Variants in TAF7L observed in about 807,000 individuals in gnomAD.
TAF7L encodes transcription initiation factor TFIID subunit 7-like.
Under a neutral mutation model 30.2 loss-of-function variants are expected in TAF7L, and 6 were observed. The ratio of observed to expected loss-of-function variants is 0.20; its 90% CI spans 0.11 to 0.39. The LOEUF (loss-of-function observed/expected upper bound fraction) is 0.39. TAF7L is among the 10% of genes least tolerant of loss of function. The pLI is 1.00. For synonymous variants in TAF7L, 93 were observed against 94.5 expected (o/e 0.98, Z 0.09); for missense variants, 284 against 277.1 (o/e 1.03, Z -0.18).
intron 9 of TAF7L, among the ~76,000 whole-genome samples, chrX:101,276,856 G>A (rs1436950610): frequency 9.1e-6 from 1 of 110,280 alleles, no homozygotes; most frequent in Non-Finnish European, 1.9e-5. Context: ...AGGGCTGGGT[G>A]TGGTGGCTCA....
At chrX:101,287,728 G>C (rs1246252900) in intron 1 of TAF7L, 183 bp from the exon 2 acceptor site, 1 of 360,118 alleles carries the variant, frequency 2.8e-6, no homozygotes, top group South Asian at 8.8e-5. Flanking sequence ...ATTTCTAGAC[G>C]TTACCTTAGC....
chrX:101,273,818 C>T (rs924515322), intron 12 of TAF7L, among the ~76,000 whole-genome samples: 1 of 111,310 alleles, frequency 9.0e-6, no homozygotes, highest in African/African-American at 3.3e-5. Flanking sequence ...ACCTTGCATA[C>T]GCTCCACCTA....
chrX:101,284,935 C>T (rs1487228613), intron 3 of TAF7L, among the ~76,000 whole-genome samples: 1 of 111,060 alleles, frequency 9.0e-6, no homozygotes, highest in African/African-American at 3.3e-5. Flanking sequence ...TAGATTCATC[C>T]ATGGTGTCCC....
At chrX:101,275,324 GAA>G (rs199961591) in intron 11 of TAF7L, 43 bp from the exon 12 acceptor site, 1,140 of 673,712 alleles carry the variant, frequency 1.7e-3, no homozygotes, top group African/African-American at 2.1e-3. Flanking sequence ...GAGTCTCAAA[GAA>G]AAAAAAAAAA....
In TAF7L at chrX:101,268,969, GA is replaced by G. The variant is rs1923880350; in HGVS notation, c.*223del. The stretch of plus-strand genomic sequence containing the variant: ...ATAATAATTCCCAAATTGACAAAGA[GA>G]AAGTCTCATGGTCGAGTGGGGTCTT... On this transcript the variant is annotated 3_prime_UTR_variant, in exon 13 of 13. Coordinates refer to ENST00000356784, the MANE Select transcript of TAF7L (RefSeq NM_001168474.2). 3.3e-6 allele frequency: 1 copy of G among 304,980 alleles called. No homozygotes were observed. Among genetic ancestry groups the G allele is most frequent in the Non-Finnish European group, 5.8e-6 (1 of 172,089 alleles). 25.1% of individuals were successfully genotyped at this position (304,980 alleles called of 1,213,427 possible). A position where few individuals can be genotyped will look rare whatever the true frequency, so the allele number is the denominator to read the frequency against.
At chrX:101,278,905 C>A in intron 7 of TAF7L, 89 bp downstream of exon 7, 1 of 858,452 alleles carries the variant, frequency 1.2e-6, no homozygotes, top group Non-Finnish European at 1.7e-6. Context: ...AAAGTAGCTT[C>A]TGTGGTTTAT....
intron 9 of TAF7L, 51 bp from the exon 10 acceptor site, chrX:101,276,579 A>T: frequency 1.8e-6 from 2 of 1,142,395 alleles, no homozygotes; most frequent in Non-Finnish European, 2.4e-6. Flanking sequence ...TCTGCAAATG[A>T]CTCATACTCC....
chrX:101,277,470 A>AAAAAAAAAAAT, intron 9 of TAF7L, 136 bp downstream of exon 9: 1 of 352,090 alleles, frequency 2.8e-6, no homozygotes, highest in East Asian at 4.9e-5. Context: ...AAAAAAAAAA[A>AAAAAAAAAAAT]GAGGGAAGGA....
At chrX:101,271,937 GTAC>G (rs972451204) in intron 12 of TAF7L, among the ~76,000 whole-genome samples, 1 of 111,561 alleles carries the variant, frequency 9.0e-6, no homozygotes, top group African/African-American at 3.3e-5. Context: ...GTATTAAGCA[GTAC>G]TTGGATAAGT....
chrX:101,291,780 C>T (rs1459231531), upstream of TAF7L, among the ~76,000 whole-genome samples: 10 of 104,702 alleles, frequency 9.6e-5, no homozygotes, highest in Non-Finnish European at 1.8e-4. Flanking sequence ...GCAGGAGAAT[C>T]GCTTGAACCC....
chrX:101,289,588 T>C (rs1033514905), intron 1 of TAF7L, among the ~76,000 whole-genome samples: 4 of 111,032 alleles, frequency 3.6e-5, no homozygotes, highest in Non-Finnish European at 5.7e-5. Flanking sequence ...TTTTGTTTTG[T>C]TTTGTTTTGA....
chrX:101,288,164 C>CA (rs1423454301), intron 1 of TAF7L, among the ~76,000 whole-genome samples: 1 of 105,005 alleles, frequency 9.5e-6, no homozygotes, highest in East Asian at 3.0e-4. Flanking sequence ...TTTTTCAAGA[C>CA]AGAGTCTCGC....
At chrX:101,290,786 C>A (rs974600098) in intron 1 of TAF7L, among the ~76,000 whole-genome samples, 4 of 111,781 alleles carry the variant, frequency 3.6e-5, no homozygotes, top group Non-Finnish European at 7.5e-5. Context: ...TTTTTTCCAG[C>A]AAGCACTCTT....
chrX:101,281,597 T>C, intron 6 of TAF7L, 123 bp downstream of exon 6: 1 of 671,302 alleles, frequency 1.5e-6, no homozygotes. Context: ...TCACATTCAA[T>C]AAATGTTTAT....
In TAF7L at chrX:101,282,314, G is replaced by A; in HGVS notation, c.406+13C>T. The A allele has an allele frequency of 8.3e-7, 1 of 1,210,696 alleles. No homozygotes were observed. Among genetic ancestry groups the A allele is most frequent in the Non-Finnish European group, 1.1e-6 (1 of 894,864 alleles). ...TTTAGTCAGCAGGAATGAGCAAGGG[G>A]CTGGTGACTTACTGCCATGCTTCCA... On this transcript the variant is annotated intron_variant, in intron 5 of 12. Transcript: ENST00000356784.
Position 101,268,970 on chromosome X carries a change from A to C in TAF7L, c.*223T>G. 1 of 307,633 alleles carries C rather than the reference A, an allele frequency of 3.3e-6. No individual in the cohort carries two copies. The highest frequency in any genetic ancestry group is 5.8e-6 in the Non-Finnish European group (1 of 172,732). The allele number at this position is 307,633 out of a possible 1,213,427, so 25.4% of individuals were successfully genotyped here. On this transcript the variant is annotated 3_prime_UTR_variant, in exon 13 of 13. Transcript: ENST00000356784. ...TAATAATTCCCAAATTGACAAAGAG[A>C]AAGTCTCATGGTCGAGTGGGGTCTT... is the stretch of plus-strand genomic sequence containing the variant.
At chrX:101,271,322 G>A (rs1296929189) in intron 12 of TAF7L, among the ~76,000 whole-genome samples, 5 of 111,236 alleles carry the variant, frequency 4.5e-5, no homozygotes, top group East Asian at 2.8e-4. Flanking sequence ...GTCATGACGC[G>A]AACATGATAG....
At chrX:101,282,557 C>T in intron 4 of TAF7L, 104 bp from the exon 5 acceptor site, 4 of 931,347 alleles carry the variant, frequency 4.3e-6, no homozygotes, top group Non-Finnish European at 6.0e-6. Flanking sequence ...CTGATACTTG[C>T]CATTTCCAGA....
chrX:101,277,996 A>G, intron 8 of TAF7L, 53 bp downstream of exon 8: 1 of 1,069,573 alleles, frequency 9.3e-7, no homozygotes, highest in Non-Finnish European at 1.3e-6. Flanking sequence ...CTTCGTCAGC[A>G]TGTACAAATG....
Sources: allele counts gnomAD v4.1 joint callset (sites outside exome capture counted in the v4.1 genomes callset), GRCh38; gene constraint gnomAD v4.1.1; transcripts MANE v1.5; gene names NCBI Gene and HGNC (gene_info 2026-07-23, HGNC 2026-07-21).